Variants in SLC9C2 observed in about 807,000 individuals in gnomAD.
SLC9C2 encodes the protein solute carrier family 9 member C2 (putative).
SLC9C2 carries 75 observed loss-of-function variants against 140.2 expected under a neutral mutation model. That is an observed-to-expected ratio of 0.53 (90% CI 0.44 to 0.65). The LOEUF (loss-of-function observed/expected upper bound fraction) is 0.65. Ranked by LOEUF, SLC9C2 falls within the 30% of genes least tolerant of loss-of-function variation. The pLI is 0.00. For synonymous variants in SLC9C2, 375 were observed against 420.9 expected (o/e 0.89, Z 1.34); for missense variants, 1,074 against 1,331.8 (o/e 0.81, Z 3.01).
At chr1:173,589,096 G>A (rs948099811) in intron 4 of SLC9C2, among the ~76,000 whole-genome samples, 3 of 152,094 alleles carry the variant, frequency 2.0e-5, no homozygotes, top group Non-Finnish European at 2.9e-5. Flanking sequence ...AAATAAGTGC[G>A]GGAGGATTTC....
intron 4 of SLC9C2, 70 bp from the exon 5 acceptor site, chr1:173,587,900 C>T: frequency 8.3e-7 from 1 of 1,201,862 alleles, no homozygotes; most frequent in Non-Finnish European, 1.2e-6. Flanking sequence ...TTACTTATAT[C>T]CTAAGAGTCA....
intron 22 of SLC9C2, among the ~76,000 whole-genome samples, chr1:173,520,128 A>T (rs1660706525): frequency 6.6e-6 from 1 of 152,118 alleles, no homozygotes; most frequent in African/African-American, 2.4e-5. Context: ...AGACTGAGTG[A>T]CAGAGACTGT....
chr1:173,575,348 T>TG (rs1395287396), intron 8 of SLC9C2, among the ~76,000 whole-genome samples: 1 of 151,972 alleles, frequency 6.6e-6, no homozygotes, highest in Non-Finnish European at 1.5e-5. Context: ...GTCGAATGGG[T>TG]GAAAAAATAA....
At chr1:173,530,184 A>C in intron 17 of SLC9C2, 130 bp from the exon 18 acceptor site, 1 of 763,918 alleles carries the variant, frequency 1.3e-6, no homozygotes, top group Non-Finnish European at 2.0e-6. Flanking sequence ...TAGGAATGCA[A>C]AATCTCAGGT....
intron 23 of SLC9C2, among the ~76,000 whole-genome samples, chr1:173,515,517 C>G (rs7536935): frequency 0.31 from 46,903 of 152,108 alleles, 9,890 homozygotes; most frequent in African/African-American, 0.61. Context: ...ATCAGGTCAT[C>G]TATGTTCCTT....
intron 23 of SLC9C2, 30 bp from the exon 24 acceptor site, chr1:173,509,729 G>A (rs1659909391): frequency 1.2e-5 from 18 of 1,559,472 alleles, no homozygotes; most frequent in Non-Finnish European, 1.5e-5. Context: ...GGCCATAGCA[G>A]CTTGATGTGG....
intron 13 of SLC9C2, among the ~76,000 whole-genome samples, chr1:173,538,215 G>A (rs1028728447): frequency 6.6e-6 from 1 of 152,220 alleles, no homozygotes; most frequent in Non-Finnish European, 1.5e-5. Flanking sequence ...GGCTACTGGA[G>A]CACTTAGTGG....
chr1:173,577,426 G>T (rs1015830102), intron 7 of SLC9C2, among the ~76,000 whole-genome samples: 2 of 152,178 alleles, frequency 1.3e-5, no homozygotes, highest in African/African-American at 2.4e-5. Flanking sequence ...ATGTGTAAAT[G>T]TATTAATAGT....
chr1:173,512,775 T>C (rs1356617603), intron 23 of SLC9C2, among the ~76,000 whole-genome samples: 3 of 152,340 alleles, frequency 2.0e-5, no homozygotes, highest in Non-Finnish European at 2.9e-5. Flanking sequence ...CAGTATGATA[T>C]TGGCTGTGGG....
Position 173,534,661 on chromosome 1 carries a change from A to T in SLC9C2, c.1797T>A (p.Phe599Leu). Residue 599 changes from phenylalanine (F) to leucine (L), a missense_variant, in exon 16 of 28, where the codon TTT becomes TTA. Phe to Leu is a conservative substitution (Grantham distance 22). Transcript: ENST00000367714. ...IPPESNTFLTFIFHIVFSEEF... is the reference protein window; with the variant it reads ...IPPESNTFLTLIFHIVFSEEF... ...CTTCAGAAAATACTATGTGAAATAT[A>T]AAAGTCAGAAATGTATTACTCCTGA... 1 of 1,525,588 alleles carries T rather than the reference A, an allele frequency of 6.6e-7. No individual in the cohort carries two copies. The highest frequency in any genetic ancestry group is 8.8e-7 in the Non-Finnish European group (1 of 1,135,088). 94.5% of individuals were successfully genotyped at this position (1,525,588 alleles called of 1,614,324 possible).
At chr1:173,564,332 G>A (rs1664308062) in intron 9 of SLC9C2, among the ~76,000 whole-genome samples, 1 of 152,182 alleles carries the variant, frequency 6.6e-6, no homozygotes, top group Non-Finnish European at 1.5e-5. Flanking sequence ...GTGTATGTGA[G>A]TTCCCTTTTC....
At chr1:173,583,773 A>G (rs909210403) in intron 5 of SLC9C2, 151 bp from the exon 6 acceptor site, 2 of 506,156 alleles carry the variant, frequency 4.0e-6, no homozygotes, top group Admixed American at 3.6e-5. Context: ...GACAATCACA[A>G]TCACCATTTT....
chr1:173,547,728 T>G lies in SLC9C2; in HGVS notation c.1518A>C (p.Leu506Phe). The change falls in exon 13 of 28, where the codon TTA (leucine) becomes TTC (phenylalanine). Residue 506 changes from leucine to phenylalanine, a missense_variant. Coordinates refer to ENST00000367714, the MANE Select transcript of SLC9C2 (RefSeq NM_178527.4). The stretch of plus-strand genomic sequence containing the variant: ...CTACATGCAATCTGGCTTCCTCCAT[T>G]AAAGCTTCATCTGTTGTGGATTCTG... ...MKTESTTDEA[L>F]MEEARLHVAA... The G allele has an allele frequency of 3.1e-6, 5 of 1,612,760 alleles. No individual in the cohort carries two copies. Among genetic ancestry groups the G allele is most frequent in the Non-Finnish European group, 4.2e-6 (5 of 1,179,040 alleles).
Position 173,535,837 on chromosome 1 carries a change from G to T in SLC9C2, c.1768C>A (p.Pro590Thr), listed in dbSNP as rs1172643840. 1 of 1,507,298 alleles carries T rather than the reference G, an allele frequency of 6.6e-7. No individual in the cohort carries two copies. Among genetic ancestry groups the T allele is most frequent in the African/African-American group, 1.4e-5 (1 of 69,490 alleles). The allele number at this position is 1,507,298 out of a possible 1,614,324, so 93.4% of individuals were successfully genotyped here. ...AAGGTTCACAATACTTACTCAGGTG[G>T]AATAAAATGTATCTTTTCTATACAA... ...EYCIEKIHFIPPESNTFLTFI... is the reference protein window; with the variant it reads ...EYCIEKIHFITPESNTFLTFI... The change falls in exon 15 of 28, where the codon CCA becomes ACA. Residue 590 changes from proline (P) to threonine (T), a missense_variant. By Grantham distance (38) the Pro-to-Thr change is conservative. Transcript: ENST00000367714.
Position 173,506,866 on chromosome 1 carries a change from G to A in SLC9C2, c.3215C>T (p.Thr1072Ile). ...AATGATATTTCTTACCTGCTCACAG[G>A]TTGTAGGTATAATGCAAGGTGCAAA... ...PYFAPCIIPT[T>I]CEQVQGTSDL... Residue 1072 changes from threonine (T) to isoleucine (I), a missense_variant, in exon 25 of 28, where the codon ACC becomes ATC. By Grantham distance (89) the Thr-to-Ile change is moderately conservative (BLOSUM62 -1). Transcript: ENST00000367714. The A allele has an allele frequency of 4.3e-6, 7 of 1,612,662 alleles. No homozygotes were observed. The highest frequency in any genetic ancestry group is 5.1e-6 in the Non-Finnish European group (6 of 1,179,316).
chr1:173,540,695 G>T (rs1454887636), intron 13 of SLC9C2, among the ~76,000 whole-genome samples: 1 of 152,174 alleles, frequency 6.6e-6, no homozygotes, highest in Non-Finnish European at 1.5e-5. Flanking sequence ...TAATATTCCA[G>T]GAACATTAAA....
chr1:173,576,788 C>A, intron 7 of SLC9C2, 28 bp from the exon 8 acceptor site: 2 of 1,375,178 alleles, frequency 1.5e-6, no homozygotes, highest in South Asian at 1.2e-5. Flanking sequence ...ACAAATGAAT[C>A]AAATGCAATG....
rs7518933 is a variant in SLC9C2, at chr1:173,504,836, C to T, written c.3310+411G>A. On this transcript the variant is annotated intron_variant, in intron 26 of 27. Transcript: ENST00000367714. Reference sequence around the variant, plus strand: ...TGTAGCTGTGACCATGGAATACTCACTGACTATGGGTAAGGTTTCCTATTC... The same window carrying T: ...TGTAGCTGTGACCATGGAATACTCATTGACTATGGGTAAGGTTTCCTATTC... 9.6e-3 allele frequency among the ~76,000 whole-genome samples: 1,457 copies of T among 152,334 alleles called. 28 individuals are homozygous for T. Among genetic ancestry groups the T allele is most frequent in the African/African-American group, 0.034 (1,399 of 41,562 alleles).
At position 173,500,699 on chromosome 1, in the gene SLC9C2, T is replaced by C. The variant is rs191744766; in HGVS notation, c.*395A>G. 6.5e-6 allele frequency: 1 copy of C among 153,842 alleles called. No individual in the cohort carries two copies. The highest frequency in any genetic ancestry group is 2.4e-5 in the African/African-American group (1 of 41,668). 9.5% of individuals were successfully genotyped at this position (153,842 alleles called of 1,614,324 possible). On this transcript the variant is annotated 3_prime_UTR_variant, in exon 28 of 28. Transcript: ENST00000367714. ...GAAAATATTAGGGAGGCACTAATTATAACAATTTCACAAATGAAAATTACA... is the reference window on the plus strand; with the variant it reads ...GAAAATATTAGGGAGGCACTAATTACAACAATTTCACAAATGAAAATTACA...
Sources: gnomAD v4.1 joint callset for allele counts (sites outside exome capture counted in the v4.1 genomes callset) on GRCh38, gnomAD v4.1.1 for gene constraint, MANE v1.5 for transcripts, NCBI Gene and HGNC (gene_info 2026-07-23, HGNC 2026-07-21) for gene names.